The following ADGRL2 variants were observed in gnomAD, a reference collection of about 807,000 sequenced individuals.
ADGRL2 encodes the protein adhesion G protein-coupled receptor L2, also known as calcium-independent alpha-latrotoxin receptor 2.
ADGRL2 carries 44 observed loss-of-function variants against 157.4 expected under a neutral mutation model. That is an observed-to-expected ratio of 0.28 (90% CI 0.22 to 0.36). The LOEUF (loss-of-function observed/expected upper bound fraction) is 0.36. Ranked by LOEUF, ADGRL2 falls within the 10% of genes least tolerant of loss-of-function variation. ADGRL2 has a pLI of 1.00. For missense variants in ADGRL2, 1,510 were observed against 1,768.9 expected, an observed-to-expected ratio of 0.85 and a Z score of 2.63; for synonymous variants, 585 against 624.7, an observed-to-expected ratio of 0.94 and a Z score of 0.95.
At chr1:81,368,664 AACATCT>A (rs1406676404) in intron 1 of ADGRL2, among the ~76,000 whole-genome samples, 1 of 152,188 alleles carries the variant, frequency 6.6e-6, no homozygotes, top group African/African-American at 2.4e-5. Flanking sequence ...TAATGATTTC[AACATCT>A]ACCTTTAATG....
At chr1:81,699,021 T>C (rs189475590), upstream of ADGRL2, among the ~76,000 whole-genome samples, 41 of 152,262 alleles carry the variant, frequency 2.7e-4, no homozygotes, top group Admixed American at 2.2e-3. Context: ...TTAGAAGAAG[T>C]AAAAGGATCA....
At chr1:81,465,148 T>C (rs1450064420) in intron 2 of ADGRL2, among the ~76,000 whole-genome samples, 1 of 151,936 alleles carries the variant, frequency 6.6e-6, no homozygotes, top group African/African-American at 2.4e-5. Flanking sequence ...AAATGACAAC[T>C]TCAAATATCA....
At chr1:81,788,413 T>C (rs1249395629) in intron 2 of ADGRL2, among the ~76,000 whole-genome samples, 1 of 152,146 alleles carries the variant, frequency 6.6e-6, no homozygotes, top group Non-Finnish European at 1.5e-5. Context: ...TTGCTCCCTC[T>C]CTCTCCATGT....
intron 3 of ADGRL2, among the ~76,000 whole-genome samples, chr1:81,592,044 G>A (rs536765028): frequency 2.5e-3 from 384 of 152,286 alleles, no homozygotes; most frequent in African/African-American, 8.7e-3. Flanking sequence ...CTGTGACAAA[G>A]CAATAGATAT....
At chr1:81,396,596 TCAGCTTTTCTCAGTTCA>T (rs2076659282) in intron 1 of ADGRL2, among the ~76,000 whole-genome samples, 1 of 152,144 alleles carries the variant, frequency 6.6e-6, no homozygotes, top group African/African-American at 2.4e-5. Context: ...GAAAAAGCTT[TCAGCTTTTCTCAGTTCA>T]GATGTTAACT....
At chr1:81,934,543 C>A (rs1394298227) in intron 3 of ADGRL2, among the ~76,000 whole-genome samples, 2 of 151,828 alleles carry the variant, frequency 1.3e-5, no homozygotes, top group Non-Finnish European at 2.9e-5. Flanking sequence ...ACCTTAATAG[C>A]AAAGTCTTTC....
At chr1:81,957,043 T>A (rs1403172555) in intron 11 of ADGRL2, among the ~76,000 whole-genome samples, 2 of 152,194 alleles carry the variant, frequency 1.3e-5, no homozygotes, top group African/African-American at 4.8e-5. Context: ...TTATTTTATA[T>A]AAGTGAATTT....
At chr1:81,604,647 C>A (rs1471332617) in intron 3 of ADGRL2, among the ~76,000 whole-genome samples, 1 of 152,134 alleles carries the variant, frequency 6.6e-6, no homozygotes, top group Admixed American at 6.5e-5. Context: ...ATGGGCAAAT[C>A]AAGAGAGCTG....
chr1:81,940,555 G>C (rs1290688171), intron 4 of ADGRL2, among the ~76,000 whole-genome samples: 1 of 151,638 alleles, frequency 6.6e-6, no homozygotes, highest in Admixed American at 6.6e-5. Context: ...AATGTGGAAA[G>C]TTGTATGCCA....
intron 2 of ADGRL2, among the ~76,000 whole-genome samples, chr1:81,449,067 A>G (rs1330713931): frequency 6.6e-6 from 1 of 152,244 alleles, no homozygotes; most frequent in African/African-American, 2.4e-5. Context: ...TGATGGAATA[A>G]GTGGCATCAA....
chr1:81,640,178 C>A (rs1344173151), intron 3 of ADGRL2, among the ~76,000 whole-genome samples: 1 of 152,080 alleles, frequency 6.6e-6, no homozygotes, highest in Non-Finnish European at 1.5e-5. Context: ...GCTGGAAAAA[C>A]AGAAACTCAA....
chr1:81,841,177 A>C (rs1246379580), intron 2 of ADGRL2, among the ~76,000 whole-genome samples: 1 of 152,196 alleles, frequency 6.6e-6, no homozygotes, highest in Admixed American at 6.6e-5. Context: ...TAATTACCTC[A>C]AATTATATTG....
At chr1:81,957,311 C>A (rs114879138) in intron 11 of ADGRL2, among the ~76,000 whole-genome samples, 3,512 of 152,156 alleles carry the variant, frequency 0.023, 64 homozygotes, top group Middle Eastern at 0.089. Flanking sequence ...AATTATAGAT[C>A]CAAGATATTT....
chr1:81,442,083 C>T (rs1273281669), intron 1 of ADGRL2, among the ~76,000 whole-genome samples: 1 of 152,212 alleles, frequency 6.6e-6, no homozygotes. Context: ...ATCCTCCCTC[C>T]TCAACTTCCC....
chr1:81,987,822 C>CT (rs1405835272), intron 22 of ADGRL2, 47 bp from the exon 23 acceptor site: 1 of 289,984 alleles, frequency 3.4e-6, no homozygotes, highest in Non-Finnish European at 7.2e-6. Context: ...TGCAGCTTCT[C>CT]TTTTCATTCT....
chr1:81,921,112 G>T (rs1337818129), intron 3 of ADGRL2, among the ~76,000 whole-genome samples: 2 of 152,128 alleles, frequency 1.3e-5, no homozygotes, highest in East Asian at 1.9e-4. Flanking sequence ...CATTAATGAG[G>T]TTGCTGAAAT....
At chr1:81,421,611 T>C (rs1413301576) in intron 1 of ADGRL2, among the ~76,000 whole-genome samples, 1 of 152,100 alleles carries the variant, frequency 6.6e-6, no homozygotes, top group East Asian at 1.9e-4. Flanking sequence ...CCCACGTGAG[T>C]ATTTGAGCTA....
intron 1 of ADGRL2, among the ~76,000 whole-genome samples, chr1:81,760,937 G>A (rs886748569): frequency 1.3e-5 from 2 of 151,444 alleles, no homozygotes; most frequent in African/African-American, 4.8e-5. Context: ...ATTGTCATAG[G>A]GAGAATTCCT....
At chr1:81,539,609 A>C (rs1442328893) in intron 2 of ADGRL2, among the ~76,000 whole-genome samples, 2 of 152,158 alleles carry the variant, frequency 1.3e-5, no homozygotes, top group Non-Finnish European at 2.9e-5. Flanking sequence ...AAGGAACCCA[A>C]AACTGAACAG....
Sources: gnomAD v4.1 joint callset for allele counts (sites outside exome capture counted in the v4.1 genomes callset) on GRCh38, gnomAD v4.1.1 for gene constraint, MANE v1.5 for transcripts, NCBI Gene and HGNC (gene_info 2026-07-23, HGNC 2026-07-21) for gene names.